The following DNM3 variants were observed in gnomAD, a reference collection of about 807,000 sequenced individuals.
The protein encoded by DNM3 is dynamin 3.
DNM3 carries 47 observed loss-of-function variants against 101.6 expected under a neutral mutation model. That is an observed-to-expected ratio of 0.46 (90% CI 0.37 to 0.59). The LOEUF is 0.59. Among genes scored for constraint, DNM3 ranks in the 20% least tolerant of loss-of-function variants. The pLI is 0.00. For missense variants in DNM3, 849 were observed against 1,085.7 expected, an observed-to-expected ratio of 0.78 and a Z score of 3.06; for synonymous variants, 385 against 387.9, an observed-to-expected ratio of 0.99 and a Z score of 0.09.
intron 7 of DNM3, among the ~76,000 whole-genome samples, chr1:172,041,482 C>T (rs2049382721): frequency 6.6e-6 from 1 of 152,140 alleles, no homozygotes; most frequent in Admixed American, 6.6e-5. Context: ...GCATATGGGC[C>T]ACTCACTCTT....
intron 14 of DNM3, among the ~76,000 whole-genome samples, chr1:172,147,674 C>G (rs1042632558): frequency 6.6e-6 from 1 of 152,002 alleles, no homozygotes. Flanking sequence ...TTGTGATATC[C>G]AGATATGCGT....
intron 4 of DNM3, among the ~76,000 whole-genome samples, chr1:172,005,641 G>A (rs2046639654): frequency 6.6e-6 from 1 of 152,040 alleles, no homozygotes. Context: ...GTGTGTGTGT[G>A]CGCACTGGTT....
chr1:172,171,852 A>G (rs1295743829), intron 14 of DNM3, among the ~76,000 whole-genome samples: 2 of 151,674 alleles, frequency 1.3e-5, no homozygotes, highest in Admixed American at 6.6e-5. Context: ...AATTTCTGTA[A>G]ATAGTAGTTA....
chr1:172,157,354 A>G (rs1427871614), intron 14 of DNM3, among the ~76,000 whole-genome samples: 2 of 152,074 alleles, frequency 1.3e-5, no homozygotes, highest in Non-Finnish European at 2.9e-5. Flanking sequence ...GAGAGCAGCT[A>G]TAAATATGTA....
chr1:172,009,401 T>C (rs1386285539), intron 4 of DNM3, among the ~76,000 whole-genome samples: 1 of 151,410 alleles, frequency 6.6e-6, no homozygotes, highest in Non-Finnish European at 1.5e-5. Flanking sequence ...AAAAGCTTAC[T>C]GGGATTTTGC....
rs6688654 is a variant in DNM3 at position 172,387,297 on chromosome 1, A to G, written c.2223A>G (p.Thr741=). 1,594,302 of 1,613,868 alleles carry G rather than the reference A, an allele frequency of 0.99. 787,519 individuals are homozygous for G. The highest frequency in any genetic ancestry group is 1 in the East Asian group (44,848 of 44,848). Residue 741 remains threonine, a synonymous_variant, in exon 19 of 21, where the codon ACA becomes ACG. Coordinates refer to ENST00000627582, the MANE Select transcript of DNM3 (RefSeq NM_015569.5). ...EALGIIGDIS[T]ATVSTPAPPP... is the part of the protein sequence containing the mutation. ...TTGGGATAATTGGGGACATCAGCAC[A>G]GCCACCGTGTCCACTCCGGCACCCC...
At chr1:172,002,001 A>G (rs1171674216) in intron 4 of DNM3, among the ~76,000 whole-genome samples, 2 of 152,192 alleles carry the variant, frequency 1.3e-5, no homozygotes, top group East Asian at 1.9e-4. Flanking sequence ...GGCATTGTCA[A>G]CACTCAGAAT....
intron 11 of DNM3, among the ~76,000 whole-genome samples, chr1:172,075,090 A>G (rs1485792291): frequency 6.6e-6 from 1 of 150,986 alleles, no homozygotes; most frequent in East Asian, 1.9e-4. Context: ...CTTTTTTTTC[A>G]TATGTTTGTT....
At chr1:172,080,362 C>A (rs1334290766) in intron 11 of DNM3, among the ~76,000 whole-genome samples, 1 of 152,156 alleles carries the variant, frequency 6.6e-6, no homozygotes, top group Non-Finnish European at 1.5e-5. Context: ...ACTACAGCAG[C>A]TTTGTTGAAC....
chr1:172,214,852 C>T lies in DNM3; in HGVS notation c.1660-38721C>T, dbSNP rs562952815. 2.0e-5 allele frequency among the ~76,000 whole-genome samples: 3 copies of T among 152,106 alleles called. No homozygotes were observed. The East Asian group carries it at 5.8e-4, about 29-fold the overall frequency. On this transcript the variant is annotated intron_variant, in intron 14 of 20. Transcript: ENST00000627582. The stretch of plus-strand genomic sequence containing the variant: ...TTAAATTAGTCCTTCTTTCCTTTTA[C>T]AGCTGCCAGTGGAGGGCATATTGAT...
At chr1:172,369,672 A>G (rs1250216003) in intron 17 of DNM3, among the ~76,000 whole-genome samples, 1 of 151,932 alleles carries the variant, frequency 6.6e-6, no homozygotes, top group Non-Finnish European at 1.5e-5. Flanking sequence ...ATGTGCTGTA[A>G]GTGTAACATA....
intron 20 of DNM3, among the ~76,000 whole-genome samples, chr1:172,401,774 T>C (rs1269578436): frequency 6.6e-6 from 1 of 152,200 alleles, no homozygotes; most frequent in Non-Finnish European, 1.5e-5. Flanking sequence ...TAGCACCCTA[T>C]AGTATTTCTT....
intron 15 of DNM3, among the ~76,000 whole-genome samples, chr1:172,307,352 C>T (rs1258719953): frequency 6.6e-6 from 1 of 152,092 alleles, no homozygotes; most frequent in Non-Finnish European, 1.5e-5. Context: ...GTTAGAATGG[C>T]GATCAATAAA....
At chr1:171,881,524 T>G (rs1303337417) in intron 1 of DNM3, among the ~76,000 whole-genome samples, 2 of 152,158 alleles carry the variant, frequency 1.3e-5, no homozygotes, top group Admixed American at 6.5e-5. Context: ...TGGGAAATTC[T>G]CAAATGAGAT....
chr1:172,130,665 C>T (rs2148073991), intron 13 of DNM3, among the ~76,000 whole-genome samples: 1 of 152,132 alleles, frequency 6.6e-6, no homozygotes, highest in Admixed American at 6.6e-5. Context: ...TTCAGTCAGC[C>T]TTATTTAGGA....
At chr1:172,225,314 T>G (rs1485742777) in intron 14 of DNM3, among the ~76,000 whole-genome samples, 1 of 151,806 alleles carries the variant, frequency 6.6e-6, no homozygotes, top group East Asian at 1.9e-4. Flanking sequence ...TTTTTGTATT[T>G]TTAGTAGAGA....
chr1:172,249,412 T>A (rs992050450), intron 14 of DNM3, among the ~76,000 whole-genome samples: 1 of 152,148 alleles, frequency 6.6e-6, no homozygotes, highest in Non-Finnish European at 1.5e-5. Context: ...TTGGACCTGA[T>A]CTGTTTCTTC....
chr1:171,935,366 C>T (rs537907601), intron 2 of DNM3, among the ~76,000 whole-genome samples: 23 of 152,146 alleles, frequency 1.5e-4, no homozygotes, highest in African/African-American at 3.9e-4. Context: ...CAGGAAATCA[C>T]GTAGTATTGT....
At chr1:172,073,297 A>G (rs2052366379) in intron 11 of DNM3, among the ~76,000 whole-genome samples, 1 of 76,762 alleles carries the variant, frequency 1.3e-5, no homozygotes, top group Admixed American at 1.5e-4. Flanking sequence ...ATACACATAT[A>G]AGTATATGTG....
Sources: gnomAD v4.1 joint callset for allele counts (sites outside exome capture counted in the v4.1 genomes callset) on GRCh38, gnomAD v4.1.1 for gene constraint, MANE v1.5 for transcripts, NCBI Gene and HGNC (gene_info 2026-07-23, HGNC 2026-07-21) for gene names.